Variants in ADAMTS2 observed in about 807,000 individuals in gnomAD.
ADAMTS2 encodes ADAM metallopeptidase with thrombospondin type 1 motif 2, also known as A disintegrin and metalloproteinase with thrombospondin motifs 2.
Under a neutral mutation model 123.0 loss-of-function variants are expected in ADAMTS2, and 50 were observed. The observed-to-expected ratio is 0.41, with a 90% CI of 0.32 to 0.51. The LOEUF (loss-of-function observed/expected upper bound fraction) is 0.51, where lower values mean the gene tolerates loss of function less well. ADAMTS2 is among the 20% of genes least tolerant of loss of function. The probability of loss-of-function intolerance (pLI) is 0.35; values close to 1 mark genes in which losing one functional copy is unlikely to be tolerated. For synonymous variants in ADAMTS2, 678 were observed against 695.4 expected (o/e 0.98, Z 0.39); for missense variants, 1,494 against 1,705.2 (o/e 0.88, Z 2.18).
Position 179,117,196 on chromosome 5 carries a change from C to G in ADAMTS2, c.3179-2872G>C, listed in dbSNP as rs937628756. Reference sequence around the variant, plus strand: ...GTTTGTGAAACCACTGAGCCCTACCCTCAGGGAAACACAGGGGGTTCTGGA... The same window carrying G: ...GTTTGTGAAACCACTGAGCCCTACCGTCAGGGAAACACAGGGGGTTCTGGA... On this transcript the variant is annotated intron_variant, in intron 21 of 21. Transcript: ENST00000251582. This position sits in a 1 kb window ranked among gnomAD's most constrained non-coding sequence, Gnocchi z 4.2. 2.0e-5 allele frequency among the ~76,000 whole-genome samples: 3 copies of G among 152,166 alleles called. No homozygotes were observed. The highest frequency in any genetic ancestry group is 7.2e-5 in the African/African-American group (3 of 41,442).
chr5:179,157,929 G>GT (rs1318277126), intron 6 of ADAMTS2, among the ~76,000 whole-genome samples: 2 of 151,464 alleles, frequency 1.3e-5, no homozygotes, highest in Admixed American at 1.3e-4. Flanking sequence ...CTATTTATCA[G>GT]TTTTTTCCAT....
intron 3 of ADAMTS2, among the ~76,000 whole-genome samples, chr5:179,263,785 A>G (rs1244530262): frequency 3.9e-5 from 6 of 152,244 alleles, no homozygotes; most frequent in African/African-American, 7.2e-5. Flanking sequence ...AGAGAGCAGG[A>G]GAGAGAGAAG....
intron 2 of ADAMTS2, among the ~76,000 whole-genome samples, chr5:179,275,279 A>C (rs248184): frequency 0.12 from 18,438 of 152,078 alleles, 1,317 homozygotes; most frequent in Middle Eastern, 0.24. Context: ...CGGGAGCATG[A>C]GAGACAAGGA....
intron 3 of ADAMTS2, among the ~76,000 whole-genome samples, chr5:179,254,465 G>T (rs1472193852): frequency 1.3e-5 from 2 of 152,142 alleles, no homozygotes; most frequent in African/African-American, 4.8e-5. Flanking sequence ...TGGTGATGAT[G>T]GCTGCACAAC....
rs1162329336 is a variant in ADAMTS2, at chr5:179,193,652, A to G, written c.892-12497T>C. Among the ~76,000 whole-genome samples the G allele has an allele frequency of 3.3e-5, 5 of 152,154 alleles. No individual in the cohort carries two copies. In the East Asian group the frequency reaches 7.7e-4, roughly 24 times the overall value. On this transcript the variant is annotated intron_variant, in intron 4 of 21. Transcript: ENST00000251582. ...GAGTCTCTGAGATCACAGTCGCTTTATGGGAATTCATTTAGTCACTTATTC... is the reference window on the plus strand; with the variant it reads ...GAGTCTCTGAGATCACAGTCGCTTTGTGGGAATTCATTTAGTCACTTATTC...
chr5:179,224,862 T>C (rs757496519), intron 3 of ADAMTS2, among the ~76,000 whole-genome samples: 72 of 152,210 alleles, frequency 4.7e-4, no homozygotes, highest in Non-Finnish European at 9.6e-4. Flanking sequence ...CTCAGGTCTG[T>C]CTGCCACCTC....
chr5:179,251,850 C>T (rs1561636224), intron 3 of ADAMTS2, among the ~76,000 whole-genome samples: 1 of 150,574 alleles, frequency 6.6e-6, no homozygotes, highest in Non-Finnish European at 1.5e-5. Context: ...ATTACTGACA[C>T]TTTTTTTTTA....
chr5:179,119,621 C>T (rs1397672745), intron 21 of ADAMTS2, among the ~76,000 whole-genome samples: 1 of 152,222 alleles, frequency 6.6e-6, no homozygotes, highest in Non-Finnish European at 1.5e-5. Flanking sequence ...CACTGCCCTG[C>T]CCCTCTCCCG....
At position 179,301,622 on chromosome 5, in the gene ADAMTS2, G is replaced by A. The variant is rs931445192; in HGVS notation, c.535-28558C>T. Among the ~76,000 whole-genome samples, 5 of 152,256 alleles carry A rather than the reference G, an allele frequency of 3.3e-5. No individual in the cohort carries two copies. The East Asian group carries it at 5.8e-4, about 18-fold the overall frequency. On this transcript the variant is annotated intron_variant, in intron 2 of 21. Coordinates refer to ENST00000251582, the MANE Select transcript of ADAMTS2 (RefSeq NM_014244.5). ...GCAGGGAGACAAGGCTGTGTGCACA[G>A]ATCTCTCTCCACTGGGCAGCACCTG...
chr5:179,184,509 TAAAAAAAA>T (rs554713153), intron 4 of ADAMTS2, among the ~76,000 whole-genome samples: 3 of 91,416 alleles, frequency 3.3e-5, no homozygotes, highest in African/African-American at 1.4e-4. Context: ...AGACTCTGTC[TAAAAAAAA>T]AAAAAAAAAA....
chr5:179,155,259 A>G lies in ADAMTS2; in HGVS notation c.1133-340T>C, dbSNP rs1581157629. On this transcript the variant is annotated intron_variant, in intron 6 of 21. Transcript: ENST00000251582. This position sits in a 1 kb window ranked among gnomAD's most constrained non-coding sequence, Gnocchi z 5.1. Reference sequence around the variant, plus strand: ...CCTGCCTGCCGTTCTCTTTCACGCCACCTGCCTCTGCCCCCTGCCTGCCTC... The same window carrying G: ...CCTGCCTGCCGTTCTCTTTCACGCCGCCTGCCTCTGCCCCCTGCCTGCCTC... 6.6e-6 allele frequency among the ~76,000 whole-genome samples: 1 copy of G among 152,002 alleles called. No individual in the cohort carries two copies. The highest frequency in any genetic ancestry group is 1.5e-5 in the Non-Finnish European group (1 of 67,968).
rs530459651 is a variant in ADAMTS2, at chr5:179,177,502, A to T, written c.975+3570T>A. 5.3e-5 allele frequency among the ~76,000 whole-genome samples: 8 copies of T among 152,330 alleles called. No homozygotes were observed. In the South Asian group the frequency reaches 1.7e-3, roughly 32 times the overall value. On this transcript the variant is annotated intron_variant, in intron 5 of 21. Coordinates refer to ENST00000251582, the MANE Select transcript of ADAMTS2 (RefSeq NM_014244.5). ...CTTGCCTGATAAATGCTTGCAAATG[A>T]GTATGAATGCACTGGCAAAACTTTG...
chr5:179,192,295 C>T (rs752869802), intron 4 of ADAMTS2, among the ~76,000 whole-genome samples: 16 of 152,216 alleles, frequency 1.1e-4, no homozygotes, highest in Admixed American at 2.6e-4. Context: ...TACAAGCTCA[C>T]GGCAAGGGTC....
chr5:179,286,926 T>G (rs1756038192), intron 2 of ADAMTS2, among the ~76,000 whole-genome samples: 1 of 152,180 alleles, frequency 6.6e-6, no homozygotes, highest in Admixed American at 6.5e-5. Context: ...CACCAGTCAT[T>G]CATGTTGAAT....
In ADAMTS2 at chr5:179,256,554, G is replaced by A. The variant is rs574481621; in HGVS notation, c.688+16357C>T. On this transcript the variant is annotated intron_variant, in intron 3 of 21. Transcript: ENST00000251582. The surrounding 1 kb of genome is among the most constrained non-coding windows in gnomAD (Gnocchi z 4.1). ...TGAGAGAGAGAGAGGAGAGAGAGAC[G>A]GAGAGAGTTTATGTACGTGTAACTA... Among the ~76,000 whole-genome samples, 29 of 151,796 alleles carry A rather than the reference G, an allele frequency of 1.9e-4. No individual in the cohort carries two copies. In the South Asian group the frequency reaches 5.4e-3, roughly 28 times the overall value.
At chr5:179,274,891 C>T (rs770383705) in intron 2 of ADAMTS2, among the ~76,000 whole-genome samples, 3 of 152,216 alleles carry the variant, frequency 2.0e-5, no homozygotes, top group East Asian at 1.9e-4. Flanking sequence ...AGGATGCCTC[C>T]GGCAGGAGGT....
intron 3 of ADAMTS2, among the ~76,000 whole-genome samples, chr5:179,257,173 A>G (rs954087409): frequency 6.6e-6 from 1 of 152,170 alleles, no homozygotes; most frequent in African/African-American, 2.4e-5. Context: ...ACTCCTTCCC[A>G]GTTCAAGGCC....
intron 3 of ADAMTS2, among the ~76,000 whole-genome samples, chr5:179,235,107 G>A (rs988156316): frequency 2.6e-5 from 4 of 152,332 alleles, no homozygotes; most frequent in East Asian, 1.9e-4. Flanking sequence ...CGTTAGGCCC[G>A]CAAAGAGAGC....
chr5:179,344,550 C>T (rs1757883940), intron 1 of ADAMTS2, among the ~76,000 whole-genome samples: 1 of 152,224 alleles, frequency 6.6e-6, no homozygotes, highest in Non-Finnish European at 1.5e-5. Context: ...GAAGCCATTC[C>T]GGGTTGGCCC....
Sources: gnomAD v4.1 joint callset for allele counts (sites outside exome capture counted in the v4.1 genomes callset) on GRCh38, gnomAD v4.1.1 for gene constraint, Gnocchi (gnomAD v3.1) non-coding constraint, MANE v1.5 for transcripts, NCBI Gene and HGNC (gene_info 2026-07-23, HGNC 2026-07-21) for gene names.